GGN: variants seen among roughly 807,000 people sequenced by gnomAD.
The protein encoded by GGN is gametogenetin.
GGN carries 27 observed loss-of-function variants against 35.5 expected under a neutral mutation model. The observed-to-expected ratio is 0.76, with a 90% CI of 0.56 to 1.05. The LOEUF is 1.05. Among genes scored for constraint, GGN ranks in the 50% least tolerant of loss-of-function variants. GGN has a pLI of 0.00. For synonymous variants in GGN, 425 were observed against 444.1 expected (o/e 0.96, Z 0.54); for missense variants, 1,006 against 940.7 (o/e 1.07, Z -0.91).
rs771023190 is a variant in GGN, at chr19:38,385,902, G to T, written c.1360C>A (p.Leu454Ile). The change falls in exon 3 of 4, where the codon CTC (leucine) becomes ATC (isoleucine). Residue 454 changes from leucine to isoleucine, a missense_variant. Physicochemically the swap from Leu to Ile is conservative, Grantham distance 5. Transcript: ENST00000334928. Reference protein sequence around the residue: ...TPPPTLQPPALQPTPLPVAPP... With the variant: ...TPPPTLQPPAIQPTPLPVAPP... ...GCCACCGGCAGCGGCGTTGGCTGGAGCGCTGGTGGCTGCAGTGTGGGCGGC... is the reference window on the plus strand; with the variant it reads ...GCCACCGGCAGCGGCGTTGGCTGGATCGCTGGTGGCTGCAGTGTGGGCGGC... 1.3e-6 allele frequency: 2 copies of T among 1,561,560 alleles called. No homozygotes were observed. Among genetic ancestry groups the T allele is most frequent in the South Asian group, 2.3e-5 (2 of 85,634 alleles).
chr19:38,387,546 T>C lies in GGN; in HGVS notation c.-20+215A>G, dbSNP rs1393271888. Among the ~76,000 whole-genome samples, 1 of 151,974 alleles carries C rather than the reference T, an allele frequency of 6.6e-6. No homozygotes were observed. The highest frequency in any genetic ancestry group is 2.4e-5 in the African/African-American group (1 of 41,408). On this transcript the variant is annotated intron_variant, in intron 2 of 3. Transcript: ENST00000334928. This position sits in a 1 kb window ranked among gnomAD's most constrained non-coding sequence, Gnocchi z 5.3. ...CCATGCCTGTCCCCTTGGCTGGTCA[T>C]GCTGATCCCTCAGTCCTCTCCTCTA...
In GGN at chr19:38,384,607, A is replaced by G. The variant is rs1970679955; in HGVS notation, c.1842-78T>C. 7.7e-6 allele frequency: 8 copies of G among 1,045,368 alleles called. 1 individual carries two copies. In the South Asian group the frequency reaches 9.2e-5, roughly 12 times the overall value. The allele number at this position is 1,045,368 out of a possible 1,614,324, so 64.8% of individuals were successfully genotyped here. On this transcript the variant is annotated intron_variant, in intron 3 of 3. Transcript: ENST00000334928. ...GCCCTTCTAGGGCCTCCCTGTCCCC[A>G]TATGAATAGGGAAGCTTCTGAAGGC...
chr19:38,385,701 T>C lies in GGN; in HGVS notation c.1561A>G (p.Ile521Val). The C allele has an allele frequency of 1.2e-6, 2 of 1,612,632 alleles. No homozygotes were observed. The highest frequency in any genetic ancestry group is 1.7e-6 in the Non-Finnish European group (2 of 1,179,656). ...TTGTTCCTGCGCGTGCGGGTCTTGATGGGCGCAGCCGCGGGTGCGGGCGCG... is the reference window on the plus strand; with the variant it reads ...TTGTTCCTGCGCGTGCGGGTCTTGACGGGCGCAGCCGCGGGTGCGGGCGCG... Reference protein sequence around the residue: ...VSAPAPAAAPIKTRTRRNKGS... With the variant: ...VSAPAPAAAPVKTRTRRNKGS... Residue 521 changes from isoleucine to valine, a missense_variant, in exon 3 of 4, where the codon ATC becomes GTC. Transcript: ENST00000334928.
chr19:38,387,964 C>G lies in GGN; in HGVS notation c.-82+11G>C, dbSNP rs962881861. 1 of 154,722 alleles carries G rather than the reference C, an allele frequency of 6.5e-6. No homozygotes were observed. The highest frequency in any genetic ancestry group is 2.4e-5 in the African/African-American group (1 of 41,498). The allele number at this position is 154,722 out of a possible 1,614,324, so 9.6% of individuals were successfully genotyped here. The stretch of plus-strand genomic sequence containing the variant: ...TCCTGCGAGCCCGCGGGAGCCCGGC[C>G]CCTTACGAACCTAGGTCTCCCCTTG... On this transcript the variant is annotated intron_variant, in intron 1 of 3. Transcript: ENST00000334928. This position sits in a 1 kb window ranked among gnomAD's most constrained non-coding sequence, Gnocchi z 5.3.
At position 38,386,446 on chromosome 19, in the gene GGN, T is replaced by TCCG; in HGVS notation, c.813_815dup (p.Gly275dup). On this transcript the variant is annotated inframe_insertion, in exon 3 of 4. Transcript: ENST00000334928. ...CTGAGGCAGCAAAGAGGCCGCCGCC[T>TCCG]CCGCCGCCCCCCAGCGAAGCTTTGG... The TCCG allele has an allele frequency of 6.2e-7, 1 of 1,612,806 alleles. No individual in the cohort carries two copies. Among genetic ancestry groups the TCCG allele is most frequent in the Non-Finnish European group, 8.5e-7 (1 of 1,179,972 alleles).
In GGN at chr19:38,385,833, C is replaced by G; in HGVS notation, c.1429G>C (p.Ala477Pro). The change falls in exon 3 of 4, where the codon GCT becomes CCT. Residue 477 changes from alanine to proline, a missense_variant. Ala to Pro is a conservative substitution (Grantham distance 27, BLOSUM62 -1). Transcript: ENST00000334928. ...GGCAGAGCAGGGGCTGCGGTGGGAG[C>G]CAGGGCTGACTCCTTGTGGCCCAGA... is the stretch of plus-strand genomic sequence containing the variant. ...PGLGHKESAL[A>P]PTAAPALPPA... 1 of 1,539,176 alleles carries G rather than the reference C, an allele frequency of 6.5e-7. No homozygotes were observed. The highest frequency in any genetic ancestry group is 8.7e-7 in the Non-Finnish European group (1 of 1,147,156).
rs767476334 is a variant in GGN at position 38,386,529 on chromosome 19, T to C, written c.733A>G (p.Ile245Val). ...AAAGAGGGCCTCGACTTGAAGGTGA[T>C]TTTACACAGCAGGCTCAGACCGGAC... The part of the protein sequence containing the change: ...SESGLSLLCK[I>V]TFKSRPSLAP... The change falls in exon 3 of 4, where the codon ATC becomes GTC. Residue 245 changes from isoleucine (I) to valine (V), a missense_variant. Ile to Val is a conservative substitution (Grantham distance 29). Transcript: ENST00000334928. 1.2e-6 allele frequency: 2 copies of C among 1,613,194 alleles called. No homozygotes were observed. The highest frequency in any genetic ancestry group is 2.2e-5 in the South Asian group (2 of 91,092).
chr19:38,384,706 C>T (rs927502613), intron 3 of GGN, among the ~76,000 whole-genome samples, 177 bp from the exon 4 acceptor site: 5 of 152,152 alleles, frequency 3.3e-5, no homozygotes, highest in African/African-American at 7.2e-5. Flanking sequence ...TGAGGGCTGG[C>T]GAGTGTCCCA....
At position 38,384,311 on chromosome 19, in the gene GGN, C is replaced by T. The variant is rs1366793229; in HGVS notation, c.*101G>A. ...TAATGGCGATCCTGCCCTGCTGCAC[C>T]CTACCCACTGCCTTGGCGAGTGATT... On this transcript the variant is annotated 3_prime_UTR_variant, in exon 4 of 4. Transcript: ENST00000334928. 3.6e-6 allele frequency: 3 copies of T among 844,984 alleles called. No homozygotes were observed. The highest frequency in any genetic ancestry group is 4.0e-6 in the Non-Finnish European group (2 of 499,108). 52.3% of individuals were successfully genotyped at this position (844,984 alleles called of 1,614,324 possible).
Position 38,386,516 on chromosome 19 carries a change from G to A in GGN, c.746C>T (p.Ser249Leu), listed in dbSNP as rs1157317485. Reference protein sequence around the residue: ...LSLLCKITFKSRPSLAPPAAS... With the variant: ...LSLLCKITFKLRPSLAPPAAS... ...TGCCGGAGGGGCCAAAGAGGGCCTC[G>A]ACTTGAAGGTGATTTTACACAGCAG... The change falls in exon 3 of 4, where the codon TCG becomes TTG. Residue 249 changes from serine (S) to leucine (L), a missense_variant. Coordinates refer to ENST00000334928, the MANE Select transcript of GGN (RefSeq NM_152657.4). 2 of 1,613,016 alleles carry A rather than the reference G, an allele frequency of 1.2e-6. No individual in the cohort carries two copies. Among genetic ancestry groups the A allele is most frequent in the Non-Finnish European group, 1.7e-6 (2 of 1,179,974 alleles).
chr19:38,384,551 A>G (rs1970678916), intron 3 of GGN, 22 bp from the exon 4 acceptor site: 3 of 1,565,624 alleles, frequency 1.9e-6, no homozygotes, highest in Non-Finnish European at 2.6e-6. Flanking sequence ...GGGTAGAGTC[A>G]GCAAAGCCCA....
At chr19:38,384,678 C>T (rs1970680584) in intron 3 of GGN, 149 bp from the exon 4 acceptor site, 1 of 620,736 alleles carries the variant, frequency 1.6e-6, no homozygotes, top group Non-Finnish European at 2.8e-6. Flanking sequence ...GCTGTGGCCA[C>T]TTAATAGGAA....
rs1600504707 is a variant in GGN at position 38,385,982 on chromosome 19, A to G, written c.1280T>C (p.Met427Thr). The G allele has an allele frequency of 1.2e-6, 2 of 1,606,510 alleles. No homozygotes were observed. The highest frequency in any genetic ancestry group is 1.1e-5 in the South Asian group (1 of 90,100). ...CTGCAGGCCTGGAGGCCCCGGGCGCATGGGCTCGCCATTGGTGGGTGCTGG... is the reference window on the plus strand; with the variant it reads ...CTGCAGGCCTGGAGGCCCCGGGCGCGTGGGCTCGCCATTGGTGGGTGCTGG... ...IFPAPTNGEP[M>T]RPGPPGLQEL... Residue 427 changes from methionine (M) to threonine (T), a missense_variant, in exon 3 of 4, where the codon ATG becomes ACG. By Grantham distance (81) the Met-to-Thr change is moderately conservative. Transcript: ENST00000334928.
At position 38,386,405 on chromosome 19, in the gene GGN, G is replaced by A. The variant is rs1325790631; in HGVS notation, c.857C>T (p.Ala286Val). 3 of 1,612,888 alleles carry A rather than the reference G, an allele frequency of 1.9e-6. No homozygotes were observed. Among genetic ancestry groups the A allele is most frequent in the South Asian group, 1.1e-5 (1 of 91,080 alleles). The change falls in exon 3 of 4, where the codon GCC (alanine) becomes GTC (valine). Residue 286 changes from alanine to valine, a missense_variant. By Grantham distance (64) the Ala-to-Val change is moderately conservative. Coordinates refer to ENST00000334928, the MANE Select transcript of GGN (RefSeq NM_152657.4). ...CAGGGGCCCTTGCTTCAGGACCTCGGCGTAAGAGATGGCACCTGAGGCAGC... is the reference window on the plus strand; with the variant it reads ...CAGGGGCCCTTGCTTCAGGACCTCGACGTAAGAGATGGCACCTGAGGCAGC... ...LFAASGAISY[A>V]EVLKQGPLPP...
In GGN at chr19:38,384,397, T is replaced by A. The variant is rs768140126; in HGVS notation, c.*15A>T. 5.1e-6 allele frequency: 8 copies of A among 1,583,714 alleles called. No homozygotes were observed. In the East Asian group the frequency reaches 9.0e-5, roughly 18 times the overall value. Reference sequence around the variant, plus strand: ...GGCATGGAGGGGAAGGTGGAGGGTGTTGAGCCGACTACACTCAGTTGGAAT... The same window carrying A: ...GGCATGGAGGGGAAGGTGGAGGGTGATGAGCCGACTACACTCAGTTGGAAT... On this transcript the variant is annotated 3_prime_UTR_variant, in exon 4 of 4. Coordinates refer to ENST00000334928, the MANE Select transcript of GGN (RefSeq NM_152657.4).
rs1466829285 is a variant in GGN, at chr19:38,387,300, CCA to C, written c.-19-22_-19-21del. 3.4e-5 allele frequency: 52 copies of C among 1,534,928 alleles called. No homozygotes were observed. The highest frequency in any genetic ancestry group is 4.5e-5 in the Non-Finnish European group (51 of 1,144,572). On this transcript the variant is annotated intron_variant, in intron 2 of 3. Coordinates refer to ENST00000334928, the MANE Select transcript of GGN (RefSeq NM_152657.4). This position sits in a 1 kb window ranked among gnomAD's most constrained non-coding sequence, Gnocchi z 5.3. ...CGGAGACTAGTCAGAAAAATTTACT[CCA>C]GTCAGCCTGCCAGGGCCGTGGGGAC...
At position 38,384,411 on chromosome 19, in the gene GGN, C is replaced by T. The variant is rs1455276389; in HGVS notation, c.*1G>A. 2 of 1,609,742 alleles carry T rather than the reference C, an allele frequency of 1.2e-6. No homozygotes were observed. Among genetic ancestry groups the T allele is most frequent in the Admixed American group, 1.7e-5 (1 of 59,964 alleles). ...GGTGGAGGGTGTTGAGCCGACTACA[C>T]TCAGTTGGAATGGGTGGCCTGCAAG... is the stretch of plus-strand genomic sequence containing the variant. On this transcript the variant is annotated 3_prime_UTR_variant, in exon 4 of 4. Coordinates refer to ENST00000334928, the MANE Select transcript of GGN (RefSeq NM_152657.4).
chr19:38,387,225 C>A lies in GGN; in HGVS notation c.37G>T (p.Gly13Cys), dbSNP rs759521317. The A allele has an allele frequency of 1.1e-5, 17 of 1,595,506 alleles. No individual in the cohort carries two copies. Among genetic ancestry groups the A allele is most frequent in the Non-Finnish European group, 1.5e-5 (17 of 1,172,136 alleles). ...TCCGAGGGCTGCACTTTTCGGGAGC[C>A]CCCGCCCGCGGATGGCTCCGACTGC... ...NLQSEPSAGG[G>C]SRKVQPSDRA... Residue 13 changes from glycine to cysteine, a missense_variant, in exon 3 of 4, where the codon GGC becomes TGC. Gly to Cys is a radical substitution (Grantham distance 159). Transcript: ENST00000334928. The surrounding 1 kb of genome is among the most constrained non-coding windows in gnomAD (Gnocchi z 5.3).
rs781371981 is a variant in GGN at position 38,385,693 on chromosome 19, G to C, written c.1569C>G (p.Thr523=). ...APAPAAAPIK[T]RTRRNKGSRA... is the part of the protein sequence containing the mutation. ...GGGAACCCTTGTTCCTGCGCGTGCG[G>C]GTCTTGATGGGCGCAGCCGCGGGTG... The change falls in exon 3 of 4, where the codon ACC becomes ACG. Residue 523 remains threonine (T), a synonymous_variant. Transcript: ENST00000334928. The C allele has an allele frequency of 2.5e-6, 4 of 1,613,002 alleles. No individual in the cohort carries two copies. Among genetic ancestry groups the C allele is most frequent in the Non-Finnish European group, 2.5e-6 (3 of 1,179,804 alleles).
Sources: allele counts gnomAD v4.1 joint callset (sites outside exome capture counted in the v4.1 genomes callset), GRCh38; gene constraint gnomAD v4.1.1; non-coding constraint Gnocchi (gnomAD v3.1); transcripts MANE v1.5; gene names NCBI Gene and HGNC (gene_info 2026-07-23, HGNC 2026-07-21).